TECTA: variants seen among roughly 807,000 people sequenced by gnomAD.
TECTA encodes the protein tectorin alpha, also known as alpha-tectorin.
A neutral mutation model predicts 216.8 loss-of-function variants in TECTA; 128 were observed. The ratio of observed to expected loss-of-function variants is 0.59; its 90% CI spans 0.51 to 0.68. TECTA has a LOEUF of 0.68. Ranked by LOEUF, TECTA falls within the 30% of genes least tolerant of loss-of-function variation. The probability of loss-of-function intolerance (pLI) is 0.00; values close to 1 mark genes in which losing one functional copy is unlikely to be tolerated. For synonymous variants in TECTA, 1,089 were observed against 1,117.1 expected (o/e 0.97, Z 0.50); for missense variants, 2,551 against 2,786.2 (o/e 0.92, Z 1.90).
intron 19 of TECTA, 111 bp downstream of exon 19, chr11:121,168,328 TCA>T: frequency 7.0e-7 from 1 of 1,426,802 alleles, no homozygotes; most frequent in Non-Finnish European, 9.9e-7. Flanking sequence ...AAAACATAAT[TCA>T]CGTTTCTTGA....
intron 10 of TECTA, among the ~76,000 whole-genome samples, chr11:121,137,180 A>C (rs1236564122): frequency 1.3e-5 from 2 of 152,160 alleles, no homozygotes; most frequent in Non-Finnish European, 2.9e-5. Flanking sequence ...ATGTGTGCAC[A>C]CACAGGCACT....
chr11:121,175,452 C>T (rs1383389461), intron 20 of TECTA, among the ~76,000 whole-genome samples: 2 of 151,952 alleles, frequency 1.3e-5, no homozygotes, highest in Non-Finnish European at 2.9e-5. Flanking sequence ...CGTTTTGTAC[C>T]CATAGTCGTT....
rs367974065 is a variant in TECTA at position 121,118,430 on chromosome 11, C to G, written c.915C>G (p.Cys305Trp). Residue 305 changes from cysteine (C) to tryptophan (W), a missense_variant, in exon 7 of 24, where the codon TGC becomes TGG. Physicochemically the swap from Cys to Trp is radical, Grantham distance 215. Coordinates refer to ENST00000392793, the MANE Select transcript of TECTA (RefSeq NM_005422.4). ...QEASCSPYEVCEPKGKFFYCS... is the reference protein window; with the variant it reads ...QEASCSPYEVWEPKGKFFYCS... ...CTTCCTGTAGCCCCTACGAGGTGTG[C>G]GAACCCAAAGGCAAATTCTTCTACT... 1 of 1,614,184 alleles carries G rather than the reference C, an allele frequency of 6.2e-7. No homozygotes were observed. The highest frequency in any genetic ancestry group is 8.5e-7 in the Non-Finnish European group (1 of 1,180,032).
Position 121,124,384 on chromosome 11 carries a change from C to T in TECTA, c.1204-918C>T, listed in dbSNP as rs114314544. The stretch of plus-strand genomic sequence containing the variant: ...GTGTCTGCCCCCCAACCCCACCCAG[C>T]TGTTCCTCACCCTCCTGCCTCTGCT... On this transcript the variant is annotated intron_variant, in intron 7 of 23. Coordinates refer to ENST00000392793, the MANE Select transcript of TECTA (RefSeq NM_005422.4). 1.3e-3 allele frequency among the ~76,000 whole-genome samples: 199 copies of T among 152,348 alleles called. 1 individual carries two copies. The highest frequency in any genetic ancestry group is 4.7e-3 in the African/African-American group (195 of 41,578).
intron 4 of TECTA, among the ~76,000 whole-genome samples, chr11:121,111,737 C>T (rs1435810624): frequency 6.6e-6 from 1 of 152,204 alleles, no homozygotes; most frequent in East Asian, 1.9e-4. Flanking sequence ...TGAACAAGAG[C>T]CTGCTGGTGA....
At chr11:121,109,146 G>A in intron 3 of TECTA, 65 bp from the exon 4 acceptor site, 1 of 1,570,736 alleles carries the variant, frequency 6.4e-7, no homozygotes, top group East Asian at 2.2e-5. Context: ...TGTCTGTCTT[G>A]GTTTGTGACT....
intron 15 of TECTA, among the ~76,000 whole-genome samples, chr11:121,161,252 C>A (rs1420873315): frequency 6.6e-6 from 1 of 152,144 alleles, no homozygotes; most frequent in Non-Finnish European, 1.5e-5. Context: ...CTTGTCCAAT[C>A]TCTTCCTTTC....
In TECTA at chr11:121,129,623, G is replaced by C. The variant is rs1050484491; in HGVS notation, c.2368-15G>C. The C allele has an allele frequency of 6.2e-7, 1 of 1,613,440 alleles. No individual in the cohort carries two copies. Among genetic ancestry groups the C allele is most frequent in the East Asian group, 2.2e-5 (1 of 44,892 alleles). ...GTGTGTCTCTGGAATTGATAAGAAT[G>C]ACTTGATTTTTCAGTTGAATGGTCA... On this transcript the variant is annotated splice_polypyrimidine_tract_variant and intron_variant, in intron 9 of 23. Coordinates refer to ENST00000392793, the MANE Select transcript of TECTA (RefSeq NM_005422.4).
At chr11:121,184,877 C>A (rs1947265557) in intron 20 of TECTA, among the ~76,000 whole-genome samples, 1 of 152,180 alleles carries the variant, frequency 6.6e-6, no homozygotes, top group Non-Finnish European at 1.5e-5. Flanking sequence ...TGGTGTCCTG[C>A]AGGCCTAGAT....
At chr11:121,124,309 C>G (rs184564478) in intron 7 of TECTA, among the ~76,000 whole-genome samples, 1 of 152,176 alleles carries the variant, frequency 6.6e-6, no homozygotes, top group Non-Finnish European at 1.5e-5. Context: ...GCCTGTACCT[C>G]CAGCCTCATC....
chr11:121,115,543 T>C (rs1946493686), intron 6 of TECTA, among the ~76,000 whole-genome samples: 1 of 152,194 alleles, frequency 6.6e-6, no homozygotes, highest in Non-Finnish European at 1.5e-5. Context: ...TGGATAGGAA[T>C]GAGGAGGTGC....
At chr11:121,160,105 T>TACTCTAA (rs766042240) in intron 14 of TECTA, 30 bp from the exon 15 acceptor site, 53 of 1,613,900 alleles carry the variant, frequency 3.3e-5, no homozygotes, top group Non-Finnish European at 2.8e-5. Flanking sequence ...ACTCTAAGCG[T>TACTCTAA]AATTATTTTC....
intron 11 of TECTA, among the ~76,000 whole-genome samples, 179 bp from the exon 12 acceptor site, chr11:121,145,376 G>A (rs539544934): frequency 3.3e-4 from 51 of 152,316 alleles, no homozygotes; most frequent in African/African-American, 1.1e-3. Context: ...AGTCATTTGC[G>A]TCTGTTCAAA....
At chr11:121,138,417 A>G (rs1338304884) in intron 11 of TECTA, among the ~76,000 whole-genome samples, 2 of 152,192 alleles carry the variant, frequency 1.3e-5, no homozygotes, top group Non-Finnish European at 2.9e-5. Context: ...TACCTTGCAC[A>G]GACTAGGCCT....
In TECTA at chr11:121,144,891, G is replaced by T. The variant is rs145830654; in HGVS notation, c.3544-664G>T. On this transcript the variant is annotated intron_variant, in intron 11 of 23. Coordinates refer to ENST00000392793, the MANE Select transcript of TECTA (RefSeq NM_005422.4). ...TAACATAAGGCAGACTGTGATGTGT[G>T]CTGCAATACAGTGTATGCAGGCTTG... Among the ~76,000 whole-genome samples, 277 of 152,288 alleles carry T rather than the reference G, an allele frequency of 1.8e-3. 2 individuals carry two copies. Among genetic ancestry groups the T allele is most frequent in the African/African-American group, 4.8e-3 (201 of 41,562 alleles).
chr11:121,138,201 G>A (rs547666699), intron 11 of TECTA, among the ~76,000 whole-genome samples, 179 bp downstream of exon 11: 7 of 152,206 alleles, frequency 4.6e-5, no homozygotes, highest in Non-Finnish European at 1.0e-4. Context: ...GGAAACAGAG[G>A]CTCAGAGAAA....
intron 8 of TECTA, 133 bp downstream of exon 8, chr11:121,126,005 T>A: frequency 9.4e-7 from 1 of 1,068,640 alleles, no homozygotes; most frequent in Non-Finnish European, 1.4e-6. Context: ...TTGCACAAAT[T>A]ACAAAGAACG....
At chr11:121,109,086 G>A in intron 3 of TECTA, 125 bp from the exon 4 acceptor site, 1 of 1,037,792 alleles carries the variant, frequency 9.6e-7, no homozygotes, top group South Asian at 1.4e-5. Context: ...GTGTTTGGGG[G>A]TTCTAATTCA....
intron 9 of TECTA, 127 bp downstream of exon 9, chr11:121,128,471 A>G (rs1396066463): frequency 6.0e-6 from 5 of 831,914 alleles, no homozygotes; most frequent in Non-Finnish European, 7.3e-6. Flanking sequence ...GATGGCTCCA[A>G]ACGGGAGCGT....
Sources: allele counts gnomAD v4.1 joint callset (sites outside exome capture counted in the v4.1 genomes callset), GRCh38; gene constraint gnomAD v4.1.1; transcripts MANE v1.5; gene names NCBI Gene and HGNC (gene_info 2026-07-23, HGNC 2026-07-21).